The following SNTG1 variants were observed in gnomAD, a reference collection of about 807,000 sequenced individuals.
SNTG1 encodes gamma-1-syntrophin.
SNTG1 carries 39 observed loss-of-function variants against 74.7 expected under a neutral mutation model. That is an observed-to-expected ratio of 0.52 (90% CI 0.40 to 0.68). SNTG1 has a LOEUF of 0.68. SNTG1 is among the 30% of genes least tolerant of loss of function. SNTG1 has a pLI of 0.00. For missense variants in SNTG1, 685 were observed against 609.5 expected (o/e 1.12, Z -1.30); for synonymous variants, 254 against 217.1 (o/e 1.17, Z -1.49).
chr8:50,261,686 A>C (rs1010321492), intron 2 of SNTG1, among the ~76,000 whole-genome samples: 5 of 152,184 alleles, frequency 3.3e-5, no homozygotes, highest in African/African-American at 1.2e-4. Flanking sequence ...TCTGAAAAGC[A>C]GTACATTATA....
chr8:50,441,293 G>A (rs1329242572), intron 5 of SNTG1, among the ~76,000 whole-genome samples: 1 of 152,110 alleles, frequency 6.6e-6, no homozygotes, highest in Non-Finnish European at 1.5e-5. Flanking sequence ...GTACCTTGTA[G>A]GGTACAAGTT....
intron 13 of SNTG1, among the ~76,000 whole-genome samples, chr8:50,597,388 T>TACACACATATACACGTATATATAC (rs2094737545): frequency 2.1e-5 from 2 of 96,370 alleles, no homozygotes; most frequent in African/African-American, 3.1e-4. Context: ...TACACATATA[T>TACACACATATACACGTATATATAC]ACATATATAC....
At chr8:50,615,969 G>A (rs1007874944) in intron 13 of SNTG1, among the ~76,000 whole-genome samples, 1 of 152,194 alleles carries the variant, frequency 6.6e-6, no homozygotes, top group African/African-American at 2.4e-5. Flanking sequence ...TGTAAAACAG[G>A]CCAGCAGACA....
chr8:50,258,731 A>G (rs1200873703), intron 2 of SNTG1, among the ~76,000 whole-genome samples: 1 of 152,294 alleles, frequency 6.6e-6, no homozygotes, highest in East Asian at 1.9e-4. Context: ...AGATTATATC[A>G]TCTGAATAAC....
rs375599463 is a variant in SNTG1 at position 50,522,315 on chromosome 8, G to A, written c.467-7862G>A. Among the ~76,000 whole-genome samples, 410 of 152,178 alleles carry A rather than the reference G, an allele frequency of 2.7e-3. 4 individuals carry two copies. In the South Asian group the frequency reaches 0.029, roughly 11 times the overall value. On this transcript the variant is annotated intron_variant, in intron 9 of 18. Transcript: ENST00000642720. ...TGTTTTGATGTGTGTTTCAGGGTGT[G>A]TGTGTGTGTTTCTGAGCAGTAGGTC...
rs182680231 is a variant in SNTG1, at chr8:50,045,961, G to A, written c.-102-126600G>A. On this transcript the variant is annotated intron_variant, in intron 1 of 18. Transcript: ENST00000642720. ...GGGGTTAGCAAATTTTTCTTTAAAT[G>A]GCCAAAGAGTAGAGTTCAGGCTTTG... Among the ~76,000 whole-genome samples the A allele has an allele frequency of 2.6e-5, 4 of 152,290 alleles. 1 individual carries two copies. In the East Asian group the frequency reaches 7.7e-4, roughly 29 times the overall value.
chr8:50,547,079 G>A (rs1011654181), intron 11 of SNTG1, among the ~76,000 whole-genome samples: 11 of 152,144 alleles, frequency 7.2e-5, no homozygotes, highest in African/African-American at 2.4e-5. Flanking sequence ...CACCATGCCC[G>A]GCAGAGAAGG....
chr8:50,787,918 T>C (rs2095680286), intron 18 of SNTG1, among the ~76,000 whole-genome samples: 1 of 152,056 alleles, frequency 6.6e-6, no homozygotes, highest in South Asian at 2.1e-4. Flanking sequence ...AATTTGATGA[T>C]GATAGTTGTA....
intron 2 of SNTG1, among the ~76,000 whole-genome samples, chr8:50,374,183 G>A (rs891351675): frequency 2.0e-5 from 3 of 152,180 alleles, no homozygotes; most frequent in Non-Finnish European, 2.9e-5. Flanking sequence ...TCTGTTTGCT[G>A]TTAAAATCTT....
chr8:50,062,678 T>A (rs918341944), intron 1 of SNTG1, among the ~76,000 whole-genome samples: 4 of 152,220 alleles, frequency 2.6e-5, no homozygotes, highest in African/African-American at 9.6e-5. Context: ...AAAATCTGAT[T>A]TATCTCAGTA....
chr8:50,084,688 C>T (rs774574687), intron 1 of SNTG1, among the ~76,000 whole-genome samples: 2 of 152,160 alleles, frequency 1.3e-5, no homozygotes, highest in Non-Finnish European at 2.9e-5. Flanking sequence ...TGAAAAAACT[C>T]ATGTTGAAAT....
intron 12 of SNTG1, among the ~76,000 whole-genome samples, chr8:50,580,082 G>A (rs2094600599): frequency 6.6e-6 from 1 of 152,234 alleles, no homozygotes. Flanking sequence ...CCAAGGCCAT[G>A]GGAGCCCACC....
At chr8:50,479,483 G>A (rs1319970282) in intron 8 of SNTG1, among the ~76,000 whole-genome samples, 3 of 152,100 alleles carry the variant, frequency 2.0e-5, no homozygotes, top group African/African-American at 4.8e-5. Flanking sequence ...CTTCCCCAAT[G>A]GGGAATATTC....
intron 17 of SNTG1, among the ~76,000 whole-genome samples, chr8:50,711,403 G>T (rs2095461327): frequency 1.3e-5 from 2 of 152,064 alleles, no homozygotes; most frequent in South Asian, 4.1e-4. Context: ...CTCCAACTTT[G>T]AAGTTACTAC....
At chr8:50,287,095 T>C (rs1267314323) in intron 2 of SNTG1, among the ~76,000 whole-genome samples, 2 of 152,144 alleles carry the variant, frequency 1.3e-5, no homozygotes, top group African/African-American at 4.8e-5. Context: ...TCTTTTTTCC[T>C]TTGACTCCTA....
rs2095437474 is a variant in SNTG1 at position 50,704,654 on chromosome 8, G to A, written c.1093G>A (p.Gly365Arg). 1 of 1,614,092 alleles carries A rather than the reference G, an allele frequency of 6.2e-7. No individual in the cohort carries two copies. Among genetic ancestry groups the A allele is most frequent in the East Asian group, 2.2e-5 (1 of 44,858 alleles). Residue 365 changes from glycine (G) to arginine (R), a missense_variant, in exon 16 of 19, where the codon GGG becomes AGG. Transcript: ENST00000642720. The part of the protein sequence containing the change: ...KQCFTVQSES[G>R]EDLYFSVELE... ...GTGCTTCACCGTGCAGTCTGAGTCT[G>A]GGGAGGACCTGTACTTCTCAGTGGA...
chr8:50,108,340 G>A (rs1342754976), intron 1 of SNTG1, among the ~76,000 whole-genome samples: 1 of 152,286 alleles, frequency 6.6e-6, no homozygotes, highest in East Asian at 1.9e-4. Flanking sequence ...GTACAAGACA[G>A]TTTATGTTCT....
At chr8:50,173,368 G>T (rs1190649826) in intron 2 of SNTG1, among the ~76,000 whole-genome samples, 1 of 152,146 alleles carries the variant, frequency 6.6e-6, no homozygotes, top group Non-Finnish European at 1.5e-5. Flanking sequence ...CAGTATTTTT[G>T]ATAGCTTATG....
At chr8:50,556,608 A>C (rs999977782) in intron 12 of SNTG1, among the ~76,000 whole-genome samples, 8 of 152,212 alleles carry the variant, frequency 5.3e-5, no homozygotes, top group Admixed American at 1.3e-4. Flanking sequence ...TAAATAATTG[A>C]AGACTTTAAA....
Sources: gnomAD v4.1 joint callset for allele counts (sites outside exome capture counted in the v4.1 genomes callset) on GRCh38, gnomAD v4.1.1 for gene constraint, MANE v1.5 for transcripts, NCBI Gene and HGNC (gene_info 2026-07-23, HGNC 2026-07-21) for gene names.